NPHP4: variants seen among roughly 807,000 people sequenced by gnomAD.
NPHP4 encodes nephrocystin 4, also known as nephrocystin-4.
A neutral mutation model predicts 155.8 loss-of-function variants in NPHP4; 151 were observed. The observed-to-expected ratio is 0.97, with a 90% CI of 0.85 to 1.11. The LOEUF (loss-of-function observed/expected upper bound fraction) is 1.11, where lower values mean the gene tolerates loss of function less well. Among genes scored for constraint, NPHP4 ranks in the 50% least tolerant of loss-of-function variants. The pLI is 0.00. For missense variants in NPHP4, 1,956 were observed against 1,925.7 expected (o/e 1.02, Z -0.29); for synonymous variants, 845 against 816.8 (o/e 1.03, Z -0.59).
intron 2 of NPHP4, among the ~76,000 whole-genome samples, chr1:5,980,746 G>A (rs766062614): frequency 3.3e-5 from 5 of 152,178 alleles, no homozygotes; most frequent in South Asian, 2.1e-4. Flanking sequence ...ACTGAATCTC[G>A]CATCTCAAGT....
intron 16 of NPHP4, among the ~76,000 whole-genome samples, chr1:5,900,538 CA>C (rs1279825345): frequency 3.9e-5 from 6 of 151,958 alleles, no homozygotes; most frequent in African/African-American, 1.5e-4. Flanking sequence ...ACAGTAGTGC[CA>C]GGGGAGGAGG....
intron 18 of NPHP4, 90 bp downstream of exon 18, chr1:5,887,196 C>G (rs1442699407): frequency 4.0e-6 from 5 of 1,253,898 alleles, no homozygotes; most frequent in African/African-American, 1.5e-5. Context: ...CCGTGAAGCC[C>G]ATGATGTGGC....
chr1:5,964,513 G>A (rs536466560), intron 5 of NPHP4, among the ~76,000 whole-genome samples: 3 of 152,196 alleles, frequency 2.0e-5, no homozygotes, highest in East Asian at 1.9e-4. Context: ...AGACCACCGC[G>A]TGTTCTGTAC....
intron 23 of NPHP4, 150 bp downstream of exon 23, chr1:5,873,102 C>T (rs1020397489): frequency 2.9e-6 from 2 of 692,644 alleles, no homozygotes; most frequent in African/African-American, 3.6e-5. Context: ...CCAGCGAGGA[C>T]ACGGAAAAGG....
chr1:5,902,148 G>A (rs1384634280), intron 16 of NPHP4, among the ~76,000 whole-genome samples: 1 of 152,238 alleles, frequency 6.6e-6, no homozygotes, highest in African/African-American at 2.4e-5. Flanking sequence ...TCAACTGACT[G>A]GGGATGGGGA....
rs907555974 is a variant in NPHP4, at chr1:5,907,171, A to G, written c.1555T>C (p.Leu519=). Residue 519 remains leucine, a synonymous_variant, in exon 13 of 30, where the codon TTG becomes CTG. Coordinates refer to ENST00000378156, the MANE Select transcript of NPHP4 (RefSeq NM_015102.5). ...GGTAGCTGTGAAGTAGGCCTGGCCA[A>G]GCAGTGCTGAGTCGGGGACCGCGGG... The part of the protein sequence containing the change: ...ASPRSPTQHC[L]ARPTSQLPHG... 1 of 1,590,870 alleles carries G rather than the reference A, an allele frequency of 6.3e-7. No individual in the cohort carries two copies. Among genetic ancestry groups the G allele is most frequent in the Non-Finnish European group, 8.6e-7 (1 of 1,168,204 alleles).
chr1:5,984,089 GA>G (rs1410362902), intron 2 of NPHP4, among the ~76,000 whole-genome samples: 1 of 152,136 alleles, frequency 6.6e-6, no homozygotes, highest in Non-Finnish European at 1.5e-5. Flanking sequence ...AAATGACTGG[GA>G]AAAGTCTAAA....
intron 9 of NPHP4, among the ~76,000 whole-genome samples, chr1:5,943,378 C>T (rs1646924376): frequency 1.3e-5 from 2 of 152,188 alleles, no homozygotes; most frequent in Non-Finnish European, 2.9e-5. Context: ...AGTATTTGTT[C>T]CATGTTCTCA....
chr1:5,947,226 C>A lies in NPHP4; in HGVS notation c.997G>T (p.Gly333Trp). Residue 333 changes from glycine to tryptophan, a missense_variant, in exon 9 of 30, where the codon GGG becomes TGG. Gly to Trp is a radical substitution (Grantham distance 184). Transcript: ENST00000378156. Reference sequence around the variant, plus strand: ...CTTCTCAAAACCAGAGCTTGGCTCCCGGAGCTGGGTCAGAAACACAAACCA... The same window carrying A: ...CTTCTCAAAACCAGAGCTTGGCTCCAGGAGCTGGGTCAGAAACACAAACCA... ...KVVSSSKTSS[G>W]SQALVLRSRL... The A allele has an allele frequency of 6.2e-7, 1 of 1,613,556 alleles. No homozygotes were observed. The highest frequency in any genetic ancestry group is 1.1e-5 in the South Asian group (1 of 91,018).
At chr1:5,963,937 C>T (rs998823706) in intron 5 of NPHP4, among the ~76,000 whole-genome samples, 5 of 152,176 alleles carry the variant, frequency 3.3e-5, no homozygotes, top group Admixed American at 3.3e-4. Flanking sequence ...ATCTGCCTGC[C>T]TTGGCCTCCC....
chr1:5,969,963 A>T (rs1652267634), intron 3 of NPHP4, among the ~76,000 whole-genome samples: 1 of 152,194 alleles, frequency 6.6e-6, no homozygotes, highest in Non-Finnish European at 1.5e-5. Flanking sequence ...ATGTAAGCCA[A>T]GTAGATGATA....
In NPHP4 at chr1:5,986,241, G is replaced by T. The variant is rs912487275; in HGVS notation, c.49C>A (p.His17Asn). Residue 17 changes from histidine to asparagine, a missense_variant, in exon 2 of 30, where the codon CAC becomes AAC. Coordinates refer to ENST00000378156, the MANE Select transcript of NPHP4 (RefSeq NM_015102.5). ...IFTQNVLVPP[H>N]PQRARQPWKE... ...CAAGGCTGGCGCGCTCTCTGTGGGTGGGGAGGGACAAGCACGTTTTGGGTG... is the reference window on the plus strand; with the variant it reads ...CAAGGCTGGCGCGCTCTCTGTGGGTTGGGAGGGACAAGCACGTTTTGGGTG... The T allele has an allele frequency of 1.2e-6, 2 of 1,613,760 alleles. No individual in the cohort carries two copies. The highest frequency in any genetic ancestry group is 2.2e-5 in the East Asian group (1 of 44,898).
rs765043646 is a variant in NPHP4, at chr1:5,863,915, A to G, written c.4115T>C (p.Leu1372Pro). 1 of 1,613,828 alleles carries G rather than the reference A, an allele frequency of 6.2e-7. No individual in the cohort carries two copies. Among genetic ancestry groups the G allele is most frequent in the Non-Finnish European group, 8.5e-7 (1 of 1,179,838 alleles). Residue 1372 changes from leucine to proline, a missense_variant, in exon 29 of 30, where the codon CTG (leucine) becomes CCG (proline). Coordinates refer to ENST00000378156, the MANE Select transcript of NPHP4 (RefSeq NM_015102.5). ...CTGGAAGGAGTCCTCTCTGAACCGC[A>G]GCAGCTCCGGGTGGTCGCTGTGCAG... ...FHLHSDHPEL[L>P]RFREDSFQVG...
chr1:5,920,436 G>A (rs1645685103), intron 11 of NPHP4, among the ~76,000 whole-genome samples: 1 of 152,180 alleles, frequency 6.6e-6, no homozygotes, highest in African/African-American at 2.4e-5. Context: ...AGCTGCTCCT[G>A]CCCTGGCGGC....
chr1:5,959,972 G>A (rs564267317), intron 6 of NPHP4, among the ~76,000 whole-genome samples: 4 of 152,136 alleles, frequency 2.6e-5, no homozygotes, highest in Non-Finnish European at 5.9e-5. Context: ...TCAGTATCAA[G>A]CAGGCGACAT....
chr1:5,949,440 C>T (rs1044313924), intron 7 of NPHP4, among the ~76,000 whole-genome samples: 1 of 151,344 alleles, frequency 6.6e-6, no homozygotes, highest in African/African-American at 2.4e-5. Context: ...ATAGTACAGC[C>T]CTCCTATGTG....
chr1:5,958,332 T>C (rs1349515566), intron 6 of NPHP4, among the ~76,000 whole-genome samples: 1 of 152,088 alleles, frequency 6.6e-6, no homozygotes, highest in East Asian at 1.9e-4. Flanking sequence ...CATTCCTTGA[T>C]GCTGGAGCTC....
intron 11 of NPHP4, among the ~76,000 whole-genome samples, chr1:5,917,690 C>G (rs115189460): frequency 0.015 from 2,313 of 152,176 alleles, 60 homozygotes; most frequent in African/African-American, 0.053. Context: ...TGAAACAGTC[C>G]CCACCGTGAG....
intron 9 of NPHP4, among the ~76,000 whole-genome samples, chr1:5,938,029 G>T (rs1646633523): frequency 6.6e-6 from 1 of 152,178 alleles, no homozygotes; most frequent in African/African-American, 2.4e-5. Context: ...CCTGTGAAAT[G>T]ACCACCATAC....
Sources: allele counts gnomAD v4.1 joint callset (sites outside exome capture counted in the v4.1 genomes callset), GRCh38; gene constraint gnomAD v4.1.1; transcripts MANE v1.5; gene names NCBI Gene and HGNC (gene_info 2026-07-23, HGNC 2026-07-21).